Variants in PIK3R4 observed in about 807,000 individuals in gnomAD.
PIK3R4 encodes phosphoinositide 3-kinase regulatory subunit 4.
Under a neutral mutation model 136.5 loss-of-function variants are expected in PIK3R4, and 46 were observed. The ratio of observed to expected loss-of-function variants is 0.34; its 90% CI spans 0.27 to 0.43. The LOEUF (loss-of-function observed/expected upper bound fraction) is 0.43, where lower values mean the gene tolerates loss of function less well. Ranked by LOEUF, PIK3R4 falls within the 20% of genes least tolerant of loss-of-function variation. The pLI is 1.00. For missense variants in PIK3R4, 1,331 were observed against 1,649.5 expected (o/e 0.81, Z 3.35); for synonymous variants, 557 against 566.7 (o/e 0.98, Z 0.24).
intron 13 of PIK3R4, among the ~76,000 whole-genome samples, chr3:130,694,022 A>G (rs190330663): frequency 2.1e-4 from 32 of 152,108 alleles, no homozygotes; most frequent in African/African-American, 7.5e-4. Context: ...TCTTTTCCCA[A>G]CTGAAATATC....
chr3:130,729,904 G>GT lies in PIK3R4; in HGVS notation c.1585+403dup, dbSNP rs367821764. ...CCATCATCACATCTGTTCCTTTATG[G>GT]TTTTTTGTAAATAACAAATAGTATG... On this transcript the variant is annotated intron_variant, in intron 5 of 19. Transcript: ENST00000356763. Among the ~76,000 whole-genome samples, 318 of 152,172 alleles carry GT rather than the reference G, an allele frequency of 2.1e-3. 3 individuals are homozygous for GT. Among genetic ancestry groups the GT allele is most frequent in the African/African-American group, 7.1e-3 (293 of 41,538 alleles).
At position 130,681,036 on chromosome 3, in the gene PIK3R4, G is replaced by A. The variant is rs760366672; in HGVS notation, c.3738C>T (p.Tyr1246=). 6.9e-6 allele frequency: 11 copies of A among 1,597,118 alleles called. No homozygotes were observed. Among genetic ancestry groups the A allele is most frequent in the Non-Finnish European group, 9.4e-6 (11 of 1,164,826 alleles). The change falls in exon 18 of 20, where the codon TAC becomes TAT. Residue 1246 remains tyrosine (Y), a synonymous_variant. Transcript: ENST00000356763. Reference sequence around the variant, plus strand: ...TAGGATTTCCATCTGCAGGACTACAGTAGATACCATGGACGCTATGAGGAG... The same window carrying A: ...TAGGATTTCCATCTGCAGGACTACAATAGATACCATGGACGCTATGAGGAG... ...QPSPHSVHGI[Y]CSPADGNPIL...
At chr3:130,739,866 G>A (rs2066810778) in intron 2 of PIK3R4, among the ~76,000 whole-genome samples, 1 of 152,178 alleles carries the variant, frequency 6.6e-6, no homozygotes, top group South Asian at 2.1e-4. Flanking sequence ...TTCCTACTAA[G>A]TTATAACATA....
intron 3 of PIK3R4, among the ~76,000 whole-genome samples, chr3:130,734,927 A>G (rs138999452): frequency 1.3e-5 from 2 of 152,334 alleles, no homozygotes; most frequent in African/African-American, 2.4e-5. Flanking sequence ...CAAATGTACT[A>G]AAAGAAAATG....
intron 9 of PIK3R4, among the ~76,000 whole-genome samples, chr3:130,715,308 G>C (rs1335906627): frequency 6.6e-6 from 1 of 151,934 alleles, no homozygotes; most frequent in African/African-American, 2.4e-5. Flanking sequence ...ATTTTTAGTA[G>C]AGATGGGGTT....
Position 130,680,694 on chromosome 3 carries a change from C to T in PIK3R4, c.3825G>A (p.Arg1275=). The T allele has an allele frequency of 1.9e-6, 3 of 1,612,546 alleles. No homozygotes were observed. Among genetic ancestry groups the T allele is most frequent in the Non-Finnish European group, 2.5e-6 (3 of 1,178,878 alleles). The change falls in exon 19 of 20, where the codon AGG becomes AGA. Residue 1275 remains arginine (R), a synonymous_variant. Coordinates refer to ENST00000356763, the MANE Select transcript of PIK3R4 (RefSeq NM_014602.3). Reference sequence around the variant, plus strand: ...TAGTACTTCCTGCAACAACATAGGACCTTTCTGGGTAAGCCAAGTCCCAAA... The same window carrying T: ...TAGTACTTCCTGCAACAACATAGGATCTTTCTGGGTAAGCCAAGTCCCAAA... ...IRFWDLAYPE[R]SYVVAGSTSS...
intron 14 of PIK3R4, among the ~76,000 whole-genome samples, chr3:130,689,525 C>T (rs536811095): frequency 2.5e-4 from 38 of 152,264 alleles, no homozygotes; most frequent in African/African-American, 8.9e-4. Flanking sequence ...TTTTTAAATG[C>T]AAAAAGCAAA....
Position 130,734,139 on chromosome 3 carries a change from A to G in PIK3R4, c.868-9T>C. On this transcript the variant is annotated splice_polypyrimidine_tract_variant and intron_variant, in intron 3 of 19. Coordinates refer to ENST00000356763, the MANE Select transcript of PIK3R4 (RefSeq NM_014602.3). The stretch of plus-strand genomic sequence containing the variant: ...TGAATCATCTGAGTTACCTATACCA[A>G]GGGAAGAAAAGGAATTAAAATAGAT... 1 of 1,571,670 alleles carries G rather than the reference A, an allele frequency of 6.4e-7. No homozygotes were observed. Among genetic ancestry groups the G allele is most frequent in the Non-Finnish European group, 8.6e-7 (1 of 1,158,750 alleles).
At chr3:130,702,407 G>A (rs2066579519) in intron 13 of PIK3R4, among the ~76,000 whole-genome samples, 1 of 152,042 alleles carries the variant, frequency 6.6e-6, no homozygotes, top group Non-Finnish European at 1.5e-5. Context: ...AACAGAGAAT[G>A]AGGAAAAATA....
At chr3:130,695,879 T>G (rs201888147) in intron 13 of PIK3R4, among the ~76,000 whole-genome samples, 2 of 152,282 alleles carry the variant, frequency 1.3e-5, no homozygotes, top group East Asian at 3.9e-4. Context: ...TGTAATTCTT[T>G]AAACCTTTGG....
chr3:130,703,619 G>A, intron 13 of PIK3R4, 104 bp downstream of exon 13: 1 of 763,942 alleles, frequency 1.3e-6, no homozygotes, highest in Non-Finnish European at 2.2e-6. Flanking sequence ...ATTTATTGTT[G>A]CTGTATGCCT....
intron 13 of PIK3R4, among the ~76,000 whole-genome samples, chr3:130,692,384 C>T (rs1276233107): frequency 6.6e-6 from 1 of 152,158 alleles, no homozygotes. Context: ...TCTCCCTAGC[C>T]TCTGGCAACA....
rs1197246165 is a variant in PIK3R4 at position 130,679,017 on chromosome 3, CT to C, written c.*297del. The C allele has an allele frequency of 1.7e-5, 3 of 171,598 alleles. No individual in the cohort carries two copies. In the South Asian group the frequency reaches 5.7e-4, roughly 32 times the overall value. The allele number at this position is 171,598 out of a possible 1,614,324, so 10.6% of individuals were successfully genotyped here. On this transcript the variant is annotated 3_prime_UTR_variant, in exon 20 of 20. Transcript: ENST00000356763. ...AGCTTACAACCATCTTTTCAACCATCTTTTTCAATACAAAATAAACATATTC... is the reference window on the plus strand; with the variant it reads ...AGCTTACAACCATCTTTTCAACCATCTTTTCAATACAAAATAAACATATTC...
chr3:130,703,097 CT>C (rs2066587276), intron 13 of PIK3R4, among the ~76,000 whole-genome samples: 1 of 152,298 alleles, frequency 6.6e-6, no homozygotes, highest in South Asian at 2.1e-4. Flanking sequence ...CAGAGTAATT[CT>C]GTTGACAACT....
intron 13 of PIK3R4, among the ~76,000 whole-genome samples, chr3:130,701,382 C>G (rs1055191585): frequency 6.6e-6 from 1 of 151,950 alleles, no homozygotes; most frequent in African/African-American, 2.4e-5. Flanking sequence ...TGTGGTGGCA[C>G]ACGCCTGTAG....
At chr3:130,685,847 T>C (rs755458979) in intron 15 of PIK3R4, among the ~76,000 whole-genome samples, 22 of 152,164 alleles carry the variant, frequency 1.4e-4, no homozygotes, top group East Asian at 3.9e-4. Context: ...CCTAAAGCTA[T>C]TGGAATTTAA....
chr3:130,706,664 C>T (rs1374346892), intron 11 of PIK3R4, among the ~76,000 whole-genome samples: 1 of 152,162 alleles, frequency 6.6e-6, no homozygotes, highest in Non-Finnish European at 1.5e-5. Flanking sequence ...AGGTTCACTG[C>T]AGCCTAATTA....
At position 130,703,726 on chromosome 3, in the gene PIK3R4, G is replaced by C; in HGVS notation, c.3095C>G (p.Thr1032Ser). The change falls in exon 13 of 20, where the codon ACC (threonine) becomes AGC (serine). Residue 1032 changes from threonine to serine, a missense_variant. Transcript: ENST00000356763. ...SQKMEGKTTT[T>S]RSILTYSRIG... is the part of the protein sequence containing the mutation. ...TTCATTCCTGAGCATATGGTACCTG[G>C]TAGTGGTGGTCTTCCCCTCCATCTT... The C allele has an allele frequency of 1.9e-6, 3 of 1,605,112 alleles. No homozygotes were observed. The highest frequency in any genetic ancestry group is 1.7e-6 in the Non-Finnish European group (2 of 1,172,156).
At chr3:130,684,771 A>G (rs1377963364) in intron 15 of PIK3R4, among the ~76,000 whole-genome samples, 11 of 152,238 alleles carry the variant, frequency 7.2e-5, no homozygotes, top group Non-Finnish European at 1.2e-4. Context: ...CTGGTATTCA[A>G]TGATCACTTT....
Sources: gnomAD v4.1 joint callset for allele counts (sites outside exome capture counted in the v4.1 genomes callset) on GRCh38, gnomAD v4.1.1 for gene constraint, MANE v1.5 for transcripts, NCBI Gene and HGNC (gene_info 2026-07-23, HGNC 2026-07-21) for gene names.